DPYD: variants seen among roughly 807,000 people sequenced by gnomAD.
DPYD encodes dihydropyrimidine dehydrogenase.
Under a neutral mutation model 116.2 loss-of-function variants are expected in DPYD, and 109 were observed. That is an observed-to-expected ratio of 0.94 (90% CI 0.80 to 1.10). The LOEUF (loss-of-function observed/expected upper bound fraction) is 1.10. Among genes scored for constraint, DPYD ranks in the 50% least tolerant of loss-of-function variants. The pLI is 0.00. For missense variants in DPYD, 1,302 were observed against 1,254.5 expected, an observed-to-expected ratio of 1.04 and a Z score of -0.57; for synonymous variants, 440 against 432.0, an observed-to-expected ratio of 1.02 and a Z score of -0.23.
At chr1:97,257,954 C>T (rs1048027063) in intron 18 of DPYD, among the ~76,000 whole-genome samples, 1 of 151,996 alleles carries the variant, frequency 6.6e-6, no homozygotes, top group Non-Finnish European at 1.5e-5. Flanking sequence ...CTAGTTGGGT[C>T]ATCTTTACTT....
At chr1:97,400,429 G>A (rs1320343598) in intron 14 of DPYD, among the ~76,000 whole-genome samples, 3 of 152,098 alleles carry the variant, frequency 2.0e-5, no homozygotes, top group Non-Finnish European at 4.4e-5. Flanking sequence ...TTGTGTCTCT[G>A]CCAGACTTTG....
At chr1:97,610,894 G>A (rs184812618) in intron 8 of DPYD, among the ~76,000 whole-genome samples, 229 of 152,012 alleles carry the variant, frequency 1.5e-3, no homozygotes, top group Middle Eastern at 3.4e-3. Context: ...CAAAGTAACC[G>A]TGATGTCAGA....
At chr1:97,404,497 T>C (rs1384779441) in intron 14 of DPYD, among the ~76,000 whole-genome samples, 1 of 152,098 alleles carries the variant, frequency 6.6e-6, no homozygotes. Context: ...TTAAAGATTC[T>C]TATGTCTTCC....
intron 20 of DPYD, among the ~76,000 whole-genome samples, chr1:97,154,680 C>T (rs1009990909): frequency 6.7e-6 from 1 of 149,378 alleles, no homozygotes; most frequent in East Asian, 2.0e-4. Flanking sequence ...CACTGCCCTC[C>T]TGGGCAACAA....
intron 20 of DPYD, among the ~76,000 whole-genome samples, chr1:97,105,182 G>C (rs1455873838): frequency 3.3e-5 from 5 of 152,174 alleles, no homozygotes; most frequent in Non-Finnish European, 7.4e-5. Context: ...AGGAAATGTG[G>C]TATTGATGGC....
At chr1:97,705,006 T>G (rs528506623) in intron 5 of DPYD, among the ~76,000 whole-genome samples, 1 of 152,194 alleles carries the variant, frequency 6.6e-6, no homozygotes, top group Non-Finnish European at 1.5e-5. Flanking sequence ...ATCTCTATCA[T>G]TTAGTCTTCA....
intron 16 of DPYD, 47 bp from the exon 17 acceptor site, chr1:97,306,344 G>A (rs572100785): frequency 6.2e-7 from 1 of 1,610,004 alleles, no homozygotes; most frequent in East Asian, 2.2e-5. Flanking sequence ...AAAGAATTGT[G>A]ATCAAAATGT....
intron 14 of DPYD, among the ~76,000 whole-genome samples, chr1:97,414,267 G>A (rs570307123): frequency 9.2e-5 from 14 of 152,064 alleles, no homozygotes; most frequent in Non-Finnish European, 1.9e-4. Context: ...ATTACAATTA[G>A]TCTATCAGTT....
intron 8 of DPYD, among the ~76,000 whole-genome samples, chr1:97,621,450 A>G (rs1656627442): frequency 6.6e-6 from 1 of 152,156 alleles, no homozygotes; most frequent in Non-Finnish European, 1.5e-5. Context: ...TAATACAGAT[A>G]CATATGGTTA....
intron 18 of DPYD, among the ~76,000 whole-genome samples, chr1:97,237,869 G>T (rs946278996): frequency 1.3e-5 from 2 of 152,060 alleles, no homozygotes; most frequent in African/African-American, 4.8e-5. Context: ...ACCCAAGAGA[G>T]TAAATTTGAG....
At chr1:97,807,053 C>G (rs756736416) in intron 3 of DPYD, among the ~76,000 whole-genome samples, 1 of 151,994 alleles carries the variant, frequency 6.6e-6, no homozygotes, top group South Asian at 2.1e-4. Context: ...TTTATTTAGG[C>G]TTTCATCTTC....
intron 10 of DPYD, among the ~76,000 whole-genome samples, chr1:97,587,469 T>C (rs150130547): frequency 5.5e-4 from 83 of 152,270 alleles, no homozygotes; most frequent in African/African-American, 1.9e-3. Flanking sequence ...TTTCTAAAAA[T>C]AGTCCCAGGT....
At chr1:97,776,275 C>A (rs1666403419) in intron 3 of DPYD, among the ~76,000 whole-genome samples, 1 of 152,020 alleles carries the variant, frequency 6.6e-6, no homozygotes, top group Admixed American at 6.6e-5. Context: ...TCTGTCTTAC[C>A]TCTTTCCTTT....
At chr1:97,838,839 G>T (rs906606927) in intron 2 of DPYD, among the ~76,000 whole-genome samples, 2 of 151,092 alleles carry the variant, frequency 1.3e-5, no homozygotes, top group African/African-American at 4.9e-5. Flanking sequence ...GCGACAGAGC[G>T]AGACTCCGTC....
chr1:97,695,071 C>T (rs1174524771), intron 6 of DPYD, among the ~76,000 whole-genome samples: 1 of 152,080 alleles, frequency 6.6e-6, no homozygotes, highest in Admixed American at 6.5e-5. Flanking sequence ...TCCCCATAGG[C>T]GACATATGCC....
intron 16 of DPYD, among the ~76,000 whole-genome samples, chr1:97,351,140 A>G (rs1199169507): frequency 6.6e-6 from 1 of 152,118 alleles, no homozygotes; most frequent in Non-Finnish European, 1.5e-5. Flanking sequence ...TCTCTCTTTC[A>G]AAACTTCATA....
chr1:97,777,600 A>G (rs1666485974), intron 3 of DPYD, among the ~76,000 whole-genome samples: 1 of 152,140 alleles, frequency 6.6e-6, no homozygotes, highest in Non-Finnish European at 1.5e-5. Flanking sequence ...TTTCTTATCT[A>G]GTTTTATTTT....
chr1:97,592,681 G>T (rs978747598), intron 10 of DPYD, among the ~76,000 whole-genome samples: 1 of 152,106 alleles, frequency 6.6e-6, no homozygotes, highest in Non-Finnish European at 1.5e-5. Context: ...GTTATTTTTA[G>T]TATGCTAACT....
At chr1:97,368,135 C>G (rs1322195441) in intron 16 of DPYD, among the ~76,000 whole-genome samples, 1 of 151,950 alleles carries the variant, frequency 6.6e-6, no homozygotes, top group Admixed American at 6.6e-5. Context: ...TAGGGAGTAG[C>G]CAGGGCAATG....
Sources: gnomAD v4.1 joint callset for allele counts (sites outside exome capture counted in the v4.1 genomes callset) on GRCh38, gnomAD v4.1.1 for gene constraint, MANE v1.5 for transcripts, NCBI Gene and HGNC (gene_info 2026-07-23, HGNC 2026-07-21) for gene names.